OPN4: variants seen among roughly 807,000 people sequenced by gnomAD.
OPN4 encodes opsin 4.
A neutral mutation model predicts 49.5 loss-of-function variants in OPN4; 43 were observed. The ratio of observed to expected loss-of-function variants is 0.87; its 90% CI spans 0.68 to 1.12. OPN4 has a LOEUF of 1.12. Among genes scored for constraint, OPN4 ranks in the 50% most tolerant of loss-of-function variants. The pLI is 0.00. For missense variants in OPN4, 657 were observed against 643.9 expected (o/e 1.02, Z -0.22); for synonymous variants, 263 against 258.0 (o/e 1.02, Z -0.19).
chr10:86,655,461 A>T (rs1432747574), intron 1 of OPN4, among the ~76,000 whole-genome samples: 1 of 152,174 alleles, frequency 6.6e-6, no homozygotes, highest in Admixed American at 6.5e-5. Context: ...TATAGGGGCC[A>T]CTGCGGCAGG....
At chr10:86,658,390 G>A (rs566881437) in intron 3 of OPN4, 94 bp from the exon 4 acceptor site, 2 of 1,417,458 alleles carry the variant, frequency 1.4e-6, no homozygotes, top group East Asian at 2.4e-5. Flanking sequence ...AGTGCGCTCA[G>A]TCCTGCTCTT....
In OPN4 at chr10:86,655,015, G is replaced by A. The variant is rs1589584148; in HGVS notation, c.144+88G>A. On this transcript the variant is annotated intron_variant, in intron 1 of 9. Coordinates refer to ENST00000241891, the MANE Select transcript of OPN4 (RefSeq NM_033282.4). ...GGCCACACACAGGGGCTTTGACAGG[G>A]AGATAGAAAAGGTCTGAACTCTGCT... The A allele has an allele frequency of 4.3e-6, 6 of 1,398,570 alleles. No homozygotes were observed. In the South Asian group the frequency reaches 7.8e-5, roughly 18 times the overall value. 86.6% of individuals were successfully genotyped at this position (1,398,570 alleles called of 1,614,324 possible). A position where few individuals can be genotyped will look rare whatever the true frequency, so the allele number is the denominator to read the frequency against.
chr10:86,664,789 A>G (rs1029402644), intron 9 of OPN4, among the ~76,000 whole-genome samples: 12 of 152,170 alleles, frequency 7.9e-5, no homozygotes, highest in Non-Finnish European at 1.6e-4. Context: ...GGCACTGTGC[A>G]TGCCATAAAC....
In OPN4 at chr10:86,659,906, C is replaced by A. The variant is rs753797258; in HGVS notation, c.812C>A (p.Thr271Asn). 5.6e-6 allele frequency: 9 copies of A among 1,614,210 alleles called. No individual in the cohort carries two copies. The South Asian group carries it at 8.8e-5, about 16-fold the overall frequency. ...AIRETGRALQ[T>N]FGACKGNGES... is the part of the protein sequence containing the mutation. ...TGCGTCCTTCCTAGGGCTCTCCAGA[C>A]CTTCGGGGCCTGCAAGGGCAATGGC... Residue 271 changes from threonine to asparagine, a missense_variant, in exon 6 of 10, where the codon ACC (threonine) becomes AAC (asparagine). Coordinates refer to ENST00000241891, the MANE Select transcript of OPN4 (RefSeq NM_033282.4).
chr10:86,660,695 G>A (rs1382047640), intron 6 of OPN4, among the ~76,000 whole-genome samples: 3 of 152,144 alleles, frequency 2.0e-5, no homozygotes, highest in East Asian at 3.9e-4. Flanking sequence ...GTCAATGGGG[G>A]GAAGTGGGAT....
intron 2 of OPN4, chr10:86,657,145 T>C (rs1256997200): frequency 1.3e-6 from 1 of 778,640 alleles, no homozygotes; most frequent in Non-Finnish European, 2.4e-6. Flanking sequence ...GCTGAAGGAC[T>C]GGGCACGTCA....
chr10:86,663,721 C>A lies in OPN4; in HGVS notation c.1317C>A (p.Ser439=). ...WGAAQQANGR[S]LYGQGLEDLE... Reference sequence around the variant, plus strand: ...CTGCCCAGCAAGCAAATGGGCGGTCCCTCTACGGTCAGGGTCTGGAGGACT... The same window carrying A: ...CTGCCCAGCAAGCAAATGGGCGGTCACTCTACGGTCAGGGTCTGGAGGACT... Residue 439 remains serine (S), a synonymous_variant, in exon 9 of 10, where the codon TCC becomes TCA. Transcript: ENST00000241891. The A allele has an allele frequency of 2.5e-6, 4 of 1,579,006 alleles. No individual in the cohort carries two copies. Among genetic ancestry groups the A allele is most frequent in the Non-Finnish European group, 3.4e-6 (4 of 1,162,904 alleles).
chr10:86,654,809 T>TA lies in OPN4; in HGVS notation c.26_27insA (p.Pro11AlafsTer54). 4 of 1,554,794 alleles carry TA rather than the reference T, an allele frequency of 2.6e-6. No homozygotes were observed. Among genetic ancestry groups the TA allele is most frequent in the Non-Finnish European group, 3.5e-6 (4 of 1,128,746 alleles). On this transcript the variant is annotated frameshift_variant, in exon 1 of 10. Transcript: ENST00000241891. LOFTEE classifies it high-confidence loss of function. ...ATGAACCCTCCTTCGGGGCCAAGAG[T>TA]CCCGCCCAGCCCAACCCAAGAGCCC...
rs1323869588 is a variant in OPN4, at chr10:86,654,782, G to A, written c.-2G>A. ...CTCGAGCAAGGACCATCCCAACTCA[G>A]GATGAACCCTCCTTCGGGGCCAAGA... On this transcript the variant is annotated 5_prime_UTR_variant, in exon 1 of 10. Coordinates refer to ENST00000241891, the MANE Select transcript of OPN4 (RefSeq NM_033282.4). The A allele has an allele frequency of 6.8e-6, 11 of 1,610,944 alleles. No homozygotes were observed. Among genetic ancestry groups the A allele is most frequent in the Non-Finnish European group, 9.3e-6 (11 of 1,177,726 alleles).
rs1466867265 is a variant in OPN4 at position 86,656,158 on chromosome 10, C to T, written c.148C>T (p.Pro50Ser). ...GRLPSISPTA[P>S]GTWAAAWVPL... is the part of the protein sequence containing the mutation. ...TCGTTTCTCTGTCTCTCCGCAGGCA[C>T]CTGGGACTTGGGCTGCTGCCTGGGT... Residue 50 changes from proline to serine, a missense_variant, in exon 2 of 10, where the codon CCT becomes TCT. Pro to Ser is a moderately conservative substitution (Grantham distance 74, BLOSUM62 -1). Transcript: ENST00000241891. 1 of 1,614,208 alleles carries T rather than the reference C, an allele frequency of 6.2e-7. No individual in the cohort carries two copies. The highest frequency in any genetic ancestry group is 1.7e-5 in the Admixed American group (1 of 60,020).
intron 8 of OPN4, 132 bp from the exon 9 acceptor site, chr10:86,663,527 T>C: frequency 1.3e-6 from 1 of 777,878 alleles, no homozygotes; most frequent in Non-Finnish European, 1.9e-6. Context: ...CCGGCAACGG[T>C]GCAAATGGTG....
Position 86,654,702 on chromosome 10 carries a change from G to A in OPN4, c.-82G>A, listed in dbSNP as rs1843823477. 7 of 1,539,928 alleles carry A rather than the reference G, an allele frequency of 4.5e-6. No homozygotes were observed. The South Asian group carries it at 7.4e-5, about 16-fold the overall frequency. ...GGTGCTGAGGATGGAGGAAAGTTGG[G>A]AGGCTGAGCACAGCTGAAGTCCTGA... On this transcript the variant is annotated 5_prime_UTR_variant, in exon 1 of 10. Transcript: ENST00000241891.
chr10:86,654,855 A>T lies in OPN4; in HGVS notation c.72A>T (p.Ala24=). ...TQEPSCMATP[A]PPSWWDSSQS... is the part of the protein sequence containing the mutation. Reference sequence around the variant, plus strand: ...AGCCCAGCTGCATGGCCACCCCAGCACCACCCAGCTGGTGGGACAGCTCCC... The same window carrying T: ...AGCCCAGCTGCATGGCCACCCCAGCTCCACCCAGCTGGTGGGACAGCTCCC... The change falls in exon 1 of 10, where the codon GCA becomes GCT. Residue 24 remains alanine, a synonymous_variant. Transcript: ENST00000241891. The T allele has an allele frequency of 6.4e-7, 1 of 1,561,748 alleles. No individual in the cohort carries two copies. Among genetic ancestry groups the T allele is most frequent in the Non-Finnish European group, 8.7e-7 (1 of 1,149,276 alleles).
chr10:86,657,046 C>G (rs1589585665), intron 2 of OPN4: 1 of 620,472 alleles, frequency 1.6e-6, no homozygotes, highest in East Asian at 2.7e-5. Flanking sequence ...CCATCTGCCC[C>G]CCTGCCTGGC....
Position 86,658,054 on chromosome 10 carries a change from G to A in OPN4, c.313G>A (p.Ala105Thr), listed in dbSNP as rs777698950. 7 of 1,613,528 alleles carry A rather than the reference G, an allele frequency of 4.3e-6. No homozygotes were observed. The highest frequency in any genetic ancestry group is 5.9e-6 in the Non-Finnish European group (7 of 1,179,998). ...CAGGAGCAGAAGCCTCCGGACACCT[G>A]CCAACATGTTCATTATCAACCTCGC... ...FCRSRSLRTP[A>T]NMFIINLAVS... The change falls in exon 3 of 10, where the codon GCC becomes ACC. Residue 105 changes from alanine (A) to threonine (T), a missense_variant. Transcript: ENST00000241891.
chr10:86,660,805 G>A (rs1482262069), intron 6 of OPN4, among the ~76,000 whole-genome samples: 2 of 152,208 alleles, frequency 1.3e-5, no homozygotes, highest in African/African-American at 4.8e-5. Context: ...ACCACCCACT[G>A]CTCCCTCCTA....
At chr10:86,658,392 C>G in intron 3 of OPN4, 92 bp from the exon 4 acceptor site, 4 of 1,422,694 alleles carry the variant, frequency 2.8e-6, no homozygotes, top group Non-Finnish European at 3.9e-6. Flanking sequence ...TGCGCTCAGT[C>G]CTGCTCTTCC....
At position 86,665,894 on chromosome 10, in the gene OPN4, C is replaced by A; in HGVS notation, c.*143C>A. 1 of 673,812 alleles carries A rather than the reference C, an allele frequency of 1.5e-6. No individual in the cohort carries two copies. The allele number at this position is 673,812 out of a possible 1,614,324, so 41.7% of individuals were successfully genotyped here. A position where few individuals can be genotyped will look rare whatever the true frequency, so the allele number is the denominator to read the frequency against. On this transcript the variant is annotated 3_prime_UTR_variant, in exon 10 of 10. Coordinates refer to ENST00000241891, the MANE Select transcript of OPN4 (RefSeq NM_033282.4). Reference sequence around the variant, plus strand: ...CCGTGCTGCACGGGATTCACAGCCCCAGCCCCATGGCCCCTCTCCACACCT... The same window carrying A: ...CCGTGCTGCACGGGATTCACAGCCCAAGCCCCATGGCCCCTCTCCACACCT...
intron 7 of OPN4, 65 bp from the exon 8 acceptor site, chr10:86,662,187 C>T (rs1844023413): frequency 1.4e-6 from 2 of 1,434,796 alleles, no homozygotes; most frequent in Non-Finnish European, 1.9e-6. Context: ...AGCCTGTGCA[C>T]CCATCCCCTC....
Sources: gnomAD v4.1 joint callset for allele counts (sites outside exome capture counted in the v4.1 genomes callset) on GRCh38, gnomAD v4.1.1 for gene constraint, MANE v1.5 for transcripts, NCBI Gene and HGNC (gene_info 2026-07-23, HGNC 2026-07-21) for gene names.